ACOT12: variants seen among roughly 807,000 people sequenced by gnomAD.
The protein encoded by ACOT12 is acetyl-coenzyme A thioesterase.
A neutral mutation model predicts 67.7 loss-of-function variants in ACOT12; 51 were observed. The observed-to-expected ratio is 0.75, with a 90% CI of 0.60 to 0.95. The LOEUF is 0.95. Among genes scored for constraint, ACOT12 ranks in the 40% least tolerant of loss-of-function variants. ACOT12 has a pLI of 0.00. For synonymous variants in ACOT12, 251 were observed against 244.6 expected, an observed-to-expected ratio of 1.03 and a Z score of -0.24; for missense variants, 734 against 708.1, an observed-to-expected ratio of 1.04 and a Z score of -0.41.
intron 9 of ACOT12, 82 bp from the exon 10 acceptor site, chr5:81,343,963 A>G: frequency 7.3e-7 from 1 of 1,364,958 alleles, no homozygotes; most frequent in Non-Finnish European, 1.0e-6. Flanking sequence ...ACTTTCTTGA[A>G]CTTCTATCAG....
At chr5:81,314,151 C>T in the ACOT12 span, among the ~76,000 whole-genome samples, 1 of 152,052 alleles carries the variant, frequency 6.6e-6, no homozygotes, top group Non-Finnish European at 1.5e-5. Context: ...GTCACCCAGG[C>T]TAGAGTGCAG....
At chr5:81,373,092 A>G (rs1289990623) in intron 2 of ACOT12, among the ~76,000 whole-genome samples, 1 of 152,238 alleles carries the variant, frequency 6.6e-6, no homozygotes, top group African/African-American at 2.4e-5. Context: ...GAACAGGAGC[A>G]GCTCCAGTCT....
chr5:81,337,388 T>G (rs1290250452), intron 11 of ACOT12, among the ~76,000 whole-genome samples: 1 of 152,148 alleles, frequency 6.6e-6, no homozygotes, highest in Non-Finnish European at 1.5e-5. Context: ...TCTCTACCCT[T>G]CCACCCCCAA....
chr5:81,363,684 T>C, intron 4 of ACOT12, 104 bp downstream of exon 4: 1 of 720,404 alleles, frequency 1.4e-6, no homozygotes, highest in Non-Finnish European at 2.1e-6. Context: ...GGGAAGTATA[T>C]CTCATGGAAA....
chr5:81,364,577 A>G (rs911607526), intron 3 of ACOT12, among the ~76,000 whole-genome samples: 1 of 151,984 alleles, frequency 6.6e-6, no homozygotes, highest in Admixed American at 6.6e-5. Flanking sequence ...ACAGGCACGC[A>G]GCACTACACC....
At position 81,371,787 on chromosome 5, in the gene ACOT12, T is replaced by G; in HGVS notation, c.221A>C (p.Lys74Thr). 4 of 1,614,138 alleles carry G rather than the reference T, an allele frequency of 2.5e-6. No individual in the cohort carries two copies. The highest frequency in any genetic ancestry group is 2.5e-6 in the Non-Finnish European group (3 of 1,180,000). Residue 74 changes from lysine (K) to threonine (T), a missense_variant, in exon 3 of 15, where the codon AAA (lysine) becomes ACA (threonine). Lys to Thr is a moderately conservative substitution (Grantham distance 78). Transcript: ENST00000307624. Reference protein sequence around the residue: ...TARVGQVITIKAKVTRAFSTS... With the variant: ...TARVGQVITITAKVTRAFSTS... ...GCTGAATGCTCTAGTAACTTTTGCTTTGATGGTTATAACTTGTCCAACTCT... is the reference window on the plus strand; with the variant it reads ...GCTGAATGCTCTAGTAACTTTTGCTGTGATGGTTATAACTTGTCCAACTCT...
chr5:81,385,081 T>A (rs942659607), intron 2 of ACOT12, among the ~76,000 whole-genome samples: 7 of 152,214 alleles, frequency 4.6e-5, no homozygotes, highest in African/African-American at 1.4e-4. Flanking sequence ...CCTAACAACC[T>A]GATGAAATTC....
At chr5:81,367,406 A>G (rs929965361) in intron 3 of ACOT12, among the ~76,000 whole-genome samples, 2 of 152,246 alleles carry the variant, frequency 1.3e-5, no homozygotes, top group African/African-American at 4.8e-5. Flanking sequence ...AAAAGGCATG[A>G]CAATAACGGC....
chr5:81,394,065 G>T lies in ACOT12; in HGVS notation c.50C>A (p.Pro17Gln). ...CTCGCCGCGCGCAGTGGCGTGCGCC[G>T]GCTGGATGGCTTGGCTCATGACCAC... ...GEVVMSQAIQ[P>Q]AHATARGELS... Residue 17 changes from proline (P) to glutamine (Q), a missense_variant, in exon 1 of 15, where the codon CCG (proline) becomes CAG (glutamine). Pro to Gln is a moderately conservative substitution (Grantham distance 76). Transcript: ENST00000307624. 2 of 1,472,882 alleles carry T rather than the reference G, an allele frequency of 1.4e-6. No individual in the cohort carries two copies. The highest frequency in any genetic ancestry group is 1.8e-6 in the Non-Finnish European group (2 of 1,118,636). The allele number at this position is 1,472,882 out of a possible 1,614,324, so 91.2% of individuals were successfully genotyped here.
chr5:81,323,969 T>C, the ACOT12 span, among the ~76,000 whole-genome samples: 1 of 151,260 alleles, frequency 6.6e-6, no homozygotes, highest in Admixed American at 6.6e-5. Flanking sequence ...TTAGACAGTG[T>C]CTCACTCTGT....
chr5:81,334,613 T>G (rs909422969), intron 12 of ACOT12, among the ~76,000 whole-genome samples: 2 of 152,230 alleles, frequency 1.3e-5, no homozygotes, highest in Non-Finnish European at 2.9e-5. Flanking sequence ...TGTTACATGG[T>G]ATTTCTAAAT....
chr5:81,353,805 C>T (rs1759626109), intron 5 of ACOT12, among the ~76,000 whole-genome samples: 1 of 152,154 alleles, frequency 6.6e-6, no homozygotes, highest in East Asian at 1.9e-4. Flanking sequence ...TTCCATCATA[C>T]AACATCTTGA....
At chr5:81,335,423 G>A (rs867676209) in intron 12 of ACOT12, among the ~76,000 whole-genome samples, 5 of 152,146 alleles carry the variant, frequency 3.3e-5, no homozygotes, top group South Asian at 2.1e-4. Flanking sequence ...AGAGTGCAGT[G>A]GTGTGATCTT....
In ACOT12 at chr5:81,330,960, A is replaced by G; in HGVS notation, c.1392-20T>C. On this transcript the variant is annotated intron_variant, in intron 13 of 14. Transcript: ENST00000307624. ...GTGTTACTGAAAGAAAACACTTTCTAAGCTCTTGTGAGAAATAAAGAATAG... is the reference window on the plus strand; with the variant it reads ...GTGTTACTGAAAGAAAACACTTTCTGAGCTCTTGTGAGAAATAAAGAATAG... 2 of 1,574,130 alleles carry G rather than the reference A, an allele frequency of 1.3e-6. No individual in the cohort carries two copies. The highest frequency in any genetic ancestry group is 8.6e-7 in the Non-Finnish European group (1 of 1,162,228).
rs552208460 is a variant in ACOT12, at chr5:81,378,387, A to G, written c.198-6577T>C. ...AGACCTAAAACCATAAAAATCCTAG[A>G]AAAAAACCTAGGCAATACCATTCAG... On this transcript the variant is annotated intron_variant, in intron 2 of 14. Coordinates refer to ENST00000307624, the MANE Select transcript of ACOT12 (RefSeq NM_130767.3). Among the ~76,000 whole-genome samples the G allele has an allele frequency of 2.5e-3, 384 of 152,330 alleles. 1 individual carries two copies. The highest frequency in any genetic ancestry group is 9.0e-3 in the African/African-American group (376 of 41,574).
chr5:81,324,444 T>C, the ACOT12 span, among the ~76,000 whole-genome samples: 1 of 152,210 alleles, frequency 6.6e-6, no homozygotes, highest in Admixed American at 6.5e-5. Context: ...GAGATGACTA[T>C]TGTCCTAATG....
chr5:81,349,434 A>C (rs1759486341), intron 5 of ACOT12, among the ~76,000 whole-genome samples: 1 of 152,072 alleles, frequency 6.6e-6, no homozygotes, highest in Non-Finnish European at 1.5e-5. Context: ...CCTCTGAGGA[A>C]GTATTACCTT....
At position 81,342,735 on chromosome 5, in the gene ACOT12, A is replaced by G. The variant is rs1480915708; in HGVS notation, c.1065T>C (p.Asn355=). The G allele has an allele frequency of 5.0e-6, 8 of 1,614,108 alleles. No homozygotes were observed. Among genetic ancestry groups the G allele is most frequent in the South Asian group, 1.1e-5 (1 of 91,076 alleles). ...ISKQASLSDS[N]VEALKKLAAK... is the part of the protein sequence containing the mutation. The stretch of plus-strand genomic sequence containing the variant: ...CTGCCAGTTTTTTGAGGGCCTCCAC[A>G]TTGCTGTCACTCAGGGATGCCTAGA... The change falls in exon 11 of 15, where the codon AAT becomes AAC. Residue 355 remains asparagine, a synonymous_variant. Transcript: ENST00000307624.
chr5:81,341,891 G>A (rs1759204336), intron 11 of ACOT12, among the ~76,000 whole-genome samples: 1 of 152,176 alleles, frequency 6.6e-6, no homozygotes, highest in Non-Finnish European at 1.5e-5. Context: ...AGAAGACCAT[G>A]TGTAAAAAGT....
Sources: gnomAD v4.1 joint callset for allele counts (sites outside exome capture counted in the v4.1 genomes callset) on GRCh38, gnomAD v4.1.1 for gene constraint, MANE v1.5 for transcripts, NCBI Gene and HGNC (gene_info 2026-07-23, HGNC 2026-07-21) for gene names.